C10orf90: variants seen among roughly 807,000 people sequenced by gnomAD.
The protein encoded by C10orf90 is chromosome 10 open reading frame 90, also known as (E2-independent) E3 ubiquitin-conjugating enzyme FATS.
Under a neutral mutation model 62.5 loss-of-function variants are expected in C10orf90, and 56 were observed. That is an observed-to-expected ratio of 0.90 (90% CI 0.72 to 1.12). The LOEUF (loss-of-function observed/expected upper bound fraction) is 1.12, where lower values mean the gene tolerates loss of function less well. Among genes scored for constraint, C10orf90 ranks in the 50% most tolerant of loss-of-function variants. C10orf90 has a pLI of 0.00. For synonymous variants in C10orf90, 386 were observed against 340.4 expected, an observed-to-expected ratio of 1.13 and a Z score of -1.47; for missense variants, 970 against 880.4, an observed-to-expected ratio of 1.10 and a Z score of -1.29.
chr10:126,534,395 C>A (rs185148220), intron 2 of C10orf90, among the ~76,000 whole-genome samples: 1 of 152,310 alleles, frequency 6.6e-6, no homozygotes, highest in Non-Finnish European at 1.5e-5. Flanking sequence ...CAATGCCTGC[C>A]ATTTTTCACA....
intron 2 of C10orf90, among the ~76,000 whole-genome samples, chr10:126,619,744 A>C (rs1229825479): frequency 2.0e-5 from 3 of 151,918 alleles, no homozygotes; most frequent in Non-Finnish European, 4.4e-5. Context: ...GGCTCAAGTG[A>C]CCCTCCCAAC....
chr10:126,558,765 T>A (rs752077314), intron 2 of C10orf90, among the ~76,000 whole-genome samples: 4 of 152,230 alleles, frequency 2.6e-5, no homozygotes, highest in Non-Finnish European at 4.4e-5. Context: ...TTTAACCCAC[T>A]AGTAATGTGT....
intron 4 of C10orf90, among the ~76,000 whole-genome samples, chr10:126,473,779 T>G (rs916768105): frequency 6.6e-6 from 1 of 152,154 alleles, no homozygotes; most frequent in Non-Finnish European, 1.5e-5. Context: ...CGTGGTAGCA[T>G]AGAGCACAAT....
chr10:126,599,216 G>A (rs1046517098), intron 2 of C10orf90, among the ~76,000 whole-genome samples: 4 of 137,326 alleles, frequency 2.9e-5, no homozygotes, highest in Non-Finnish European at 3.0e-5. Flanking sequence ...ACGGAGTTTC[G>A]CTCTGTCACC....
intron 6 of C10orf90, among the ~76,000 whole-genome samples, chr10:126,460,432 G>A (rs770815939): frequency 1.1e-4 from 16 of 152,230 alleles, no homozygotes; most frequent in Non-Finnish European, 1.5e-4. Context: ...GTGCCCAGGC[G>A]GAAGAAGTGT....
intron 3 of C10orf90, among the ~76,000 whole-genome samples, chr10:126,512,986 G>T (rs7905211): frequency 0.058 from 8,812 of 152,180 alleles, 832 homozygotes; most frequent in African/African-American, 0.2. Flanking sequence ...ATTTTAACAG[G>T]TATCTTTGCC....
chr10:126,669,730 T>A (rs1846708657), intron 1 of C10orf90, among the ~76,000 whole-genome samples: 1 of 151,454 alleles, frequency 6.6e-6, no homozygotes, highest in Non-Finnish European at 1.5e-5. Flanking sequence ...CAAAGTTGTC[T>A]CTGCTTGAAA....
At chr10:126,596,837 T>C (rs1845096586) in intron 2 of C10orf90, among the ~76,000 whole-genome samples, 1 of 152,216 alleles carries the variant, frequency 6.6e-6, no homozygotes, top group Non-Finnish European at 1.5e-5. Flanking sequence ...GGACTGTCTG[T>C]ATATAAATAA....
chr10:126,565,028 T>TAA (rs1426096709), intron 2 of C10orf90, among the ~76,000 whole-genome samples: 134 of 9,028 alleles, frequency 0.015, 18 homozygotes, highest in African/African-American at 0.019. Flanking sequence ...ATATTATATA[T>TAA]TATATAAAAT....
chr10:126,483,177 G>A (rs1861253217), intron 4 of C10orf90, among the ~76,000 whole-genome samples: 1 of 152,330 alleles, frequency 6.6e-6, no homozygotes, highest in South Asian at 2.1e-4. Flanking sequence ...TTCTGAACCA[G>A]GCAGGAACAG....
chr10:126,507,048 G>A (rs1394374270), intron 3 of C10orf90, among the ~76,000 whole-genome samples: 2 of 152,084 alleles, frequency 1.3e-5, no homozygotes, highest in East Asian at 3.9e-4. Flanking sequence ...CACATTATAT[G>A]TGGGTTTTTT....
At position 126,463,006 on chromosome 10, in the gene C10orf90, AC is replaced by A. The variant is rs755953269; in HGVS notation, c.1826-1422del. On this transcript the variant is annotated intron_variant, in intron 5 of 9. Coordinates refer to ENST00000488181, the MANE Select transcript of C10orf90 (RefSeq NM_001350921.2). ...TGGTTCCTTCTGGAAAAGAGCGACTACTCTGCCCCACCCACCCCCCGTCTCC... is the reference window on the plus strand; with the variant it reads ...TGGTTCCTTCTGGAAAAGAGCGACTATCTGCCCCACCCACCCCCCGTCTCC... Among the ~76,000 whole-genome samples the A allele has an allele frequency of 1.0e-3, 153 of 151,742 alleles. 2 individuals carry two copies. Among genetic ancestry groups the A allele is most frequent in the Admixed American group, 2.1e-3 (32 of 15,234 alleles).
chr10:126,478,584 C>T (rs1015161957), intron 4 of C10orf90, among the ~76,000 whole-genome samples: 1 of 152,214 alleles, frequency 6.6e-6, no homozygotes, highest in African/African-American at 2.4e-5. Flanking sequence ...CTTTGACCCA[C>T]CTCTCACCCC....
chr10:126,631,208 C>G (rs1845844131), intron 2 of C10orf90, among the ~76,000 whole-genome samples: 1 of 152,270 alleles, frequency 6.6e-6, no homozygotes, highest in Middle Eastern at 3.4e-3. Context: ...GCTTCTCCTG[C>G]ACCAAACAGA....
intron 4 of C10orf90, among the ~76,000 whole-genome samples, chr10:126,496,048 C>T (rs1862035495): frequency 6.6e-6 from 1 of 152,210 alleles, no homozygotes; most frequent in South Asian, 2.1e-4. Context: ...CTAGGTTACC[C>T]TGTTACCCAC....
At position 126,426,065 on chromosome 10, in the gene C10orf90, TA is replaced by T; in HGVS notation, c.2277del (p.Lys761ArgfsTer10). 1 of 1,614,154 alleles carries T rather than the reference TA, an allele frequency of 6.2e-7. No homozygotes were observed. Among genetic ancestry groups the T allele is most frequent in the African/African-American group, 1.3e-5 (1 of 75,062 alleles). On this transcript the variant is annotated frameshift_variant, in exon 9 of 10. Coordinates refer to ENST00000488181, the MANE Select transcript of C10orf90 (RefSeq NM_001350921.2). LOFTEE classifies it high-confidence loss of function. ...TTCCTTTGTTCTTCTTTTTTCTTTT[TA>T]ACTTCCGGCAAGTTATCATAGATTC... Reference protein sequence around the residue: ...SKRIYDNLPEVKKKKEEQRKR... With the variant: ...SKRIYDNLPEXKKKKEEQRKR...
At chr10:126,486,988 CAA>C (rs1409783272) in intron 4 of C10orf90, among the ~76,000 whole-genome samples, 1 of 151,014 alleles carries the variant, frequency 6.6e-6, no homozygotes, top group Non-Finnish European at 1.5e-5. Flanking sequence ...ACTAAAAATA[CAA>C]AAAAAGTAGC....
chr10:126,531,588 G>T (rs1445566783), intron 2 of C10orf90, among the ~76,000 whole-genome samples: 1 of 152,074 alleles, frequency 6.6e-6, no homozygotes, highest in Non-Finnish European at 1.5e-5. Context: ...TTCCACTGAA[G>T]AATAATATGC....
chr10:126,549,267 A>G (rs755169456), intron 2 of C10orf90, among the ~76,000 whole-genome samples: 1 of 152,226 alleles, frequency 6.6e-6, no homozygotes, highest in Non-Finnish European at 1.5e-5. Flanking sequence ...CATAGCTGAC[A>G]AAGGACTAAT....
Sources: gnomAD v4.1 joint callset for allele counts (sites outside exome capture counted in the v4.1 genomes callset) on GRCh38, gnomAD v4.1.1 for gene constraint, MANE v1.5 for transcripts, NCBI Gene and HGNC (gene_info 2026-07-23, HGNC 2026-07-21) for gene names.